Variants in SAMHD1 observed in about 807,000 individuals in gnomAD.
The protein encoded by SAMHD1 is SAM and HD domain containing deoxynucleoside triphosphate triphosphohydrolase 1.
In SAMHD1, 54 loss-of-function variants were observed where a neutral mutation model predicts 79.6. The ratio of observed to expected loss-of-function variants is 0.68; its 90% CI spans 0.55 to 0.85. SAMHD1 has a LOEUF of 0.85. Among genes scored for constraint, SAMHD1 ranks in the 40% least tolerant of loss-of-function variants. The pLI is 0.00. For synonymous variants in SAMHD1, 260 were observed against 264.1 expected (o/e 0.98, Z 0.15); for missense variants, 663 against 782.7 (o/e 0.85, Z 1.82).
chr20:36,921,117 G>A (rs945589554), intron 6 of SAMHD1, among the ~76,000 whole-genome samples: 4 of 151,856 alleles, frequency 2.6e-5, no homozygotes, highest in Admixed American at 6.6e-5. Context: ...CAAATTGGCC[G>A]GGCACAGTAG....
intron 11 of SAMHD1, among the ~76,000 whole-genome samples, chr20:36,907,349 C>T (rs1442481246): frequency 9.2e-5 from 14 of 151,870 alleles, no homozygotes; most frequent in Non-Finnish European, 2.9e-5. Flanking sequence ...CATCCTCGAC[C>T]TCCTGGACTC....
intron 15 of SAMHD1, 54 bp downstream of exon 15, chr20:36,897,768 T>C: frequency 6.2e-7 from 1 of 1,610,854 alleles, no homozygotes; most frequent in African/African-American, 1.3e-5. Flanking sequence ...TTACTTTTGG[T>C]TTTTACTTAA....
chr20:36,945,951 A>G (rs899978416), intron 2 of SAMHD1, among the ~76,000 whole-genome samples: 1 of 151,848 alleles, frequency 6.6e-6, no homozygotes, highest in African/African-American at 2.4e-5. Flanking sequence ...AAATAGGAAT[A>G]AACAGTAATA....
intron 9 of SAMHD1, 116 bp from the exon 10 acceptor site, chr20:36,912,668 C>T (rs1279961394): frequency 1.9e-5 from 14 of 725,908 alleles, no homozygotes; most frequent in Admixed American, 4.1e-5. Flanking sequence ...GGCTATGCAC[C>T]GGGGCTTCTT....
At chr20:36,925,427 G>GT (rs962971946) in intron 6 of SAMHD1, among the ~76,000 whole-genome samples, 11 of 152,186 alleles carry the variant, frequency 7.2e-5, no homozygotes, top group African/African-American at 2.4e-4. Flanking sequence ...CGGTTTTATG[G>GT]TTTTTTGCCT....
chr20:36,951,328 G>A, intron 1 of SAMHD1, 108 bp downstream of exon 1: 1 of 1,512,672 alleles, frequency 6.6e-7, no homozygotes, highest in Middle Eastern at 2.2e-4. Context: ...TCCCGCCGCA[G>A]GGCTCGCTCC....
chr20:36,927,278 C>G (rs184929310), intron 5 of SAMHD1, 26 bp from the exon 6 acceptor site: 2 of 1,467,098 alleles, frequency 1.4e-6, no homozygotes, highest in East Asian at 2.3e-5. Flanking sequence ...AGCCTTAGAA[C>G]AAGAAAAACA....
At chr20:36,900,578 G>GC (rs1555831743) in intron 13 of SAMHD1, among the ~76,000 whole-genome samples, 30 of 140,084 alleles carry the variant, frequency 2.1e-4, no homozygotes, top group Non-Finnish European at 2.3e-4. Flanking sequence ...TAGTTTTTTT[G>GC]TTTTTTTTTG....
At position 36,951,506 on chromosome 20, in the gene SAMHD1, AC is replaced by A; in HGVS notation, c.137del (p.Gly46ValfsTer20). 1 of 1,614,062 alleles carries A rather than the reference AC, an allele frequency of 6.2e-7. No individual in the cohort carries two copies. Among genetic ancestry groups the A allele is most frequent in the Non-Finnish European group, 8.5e-7 (1 of 1,179,972 alleles). Reference protein sequence around the residue: ...LELHPDYKTWGPEQVCSFLRR... With the variant: ...LELHPDYKTWXPEQVCSFLRR... ...TGAGGAAGGAGCACACCTGCTCCGG[AC>A]CCCATGTCTTGTAGTCGGGATGGAG... is the stretch of plus-strand genomic sequence containing the variant. On this transcript the variant is annotated frameshift_variant, in exon 1 of 16. Transcript: ENST00000646673. LOFTEE classifies it high-confidence loss of function.
intron 6 of SAMHD1, among the ~76,000 whole-genome samples, chr20:36,920,326 G>A (rs568367075): frequency 3.7e-4 from 56 of 152,046 alleles, no homozygotes; most frequent in African/African-American, 1.3e-3. Context: ...TTGTTGACCA[G>A]GTTGGTCTTG....
intron 6 of SAMHD1, among the ~76,000 whole-genome samples, chr20:36,920,779 A>C (rs945617326): frequency 2.1e-4 from 32 of 151,684 alleles, no homozygotes; most frequent in Non-Finnish European, 3.8e-4. Context: ...AAAAAAAAAA[A>C]AACCCACAAA....
chr20:36,901,800 C>A (rs1368169781), intron 13 of SAMHD1, among the ~76,000 whole-genome samples: 1 of 152,122 alleles, frequency 6.6e-6, no homozygotes, highest in African/African-American at 2.4e-5. Flanking sequence ...TTACAGCAAC[C>A]ACATGTTAAG....
intron 11 of SAMHD1, among the ~76,000 whole-genome samples, chr20:36,906,797 T>A (rs1481095889): frequency 2.0e-5 from 2 of 100,180 alleles, no homozygotes; most frequent in Admixed American, 9.5e-5. Context: ...ATCTGTGCAA[T>A]TTTTTTTTTT....
chr20:36,949,143 A>G (rs2146156642), intron 1 of SAMHD1, among the ~76,000 whole-genome samples: 1 of 151,424 alleles, frequency 6.6e-6, no homozygotes, highest in Admixed American at 6.6e-5. Context: ...GTGCACCTGT[A>G]ATCCCAGCAA....
At chr20:36,897,171 G>A (rs966482426) in intron 15 of SAMHD1, among the ~76,000 whole-genome samples, 1 of 152,172 alleles carries the variant, frequency 6.6e-6, no homozygotes, top group Admixed American at 6.5e-5. Context: ...GTTCCCTTTA[G>A]CACCTGACAC....
intron 9 of SAMHD1, among the ~76,000 whole-genome samples, chr20:36,914,443 C>T (rs1049949867): frequency 1.3e-5 from 2 of 151,954 alleles, no homozygotes; most frequent in Admixed American, 6.6e-5. Context: ...CTCCGCCTCC[C>T]GGGTTCAAGT....
chr20:36,951,687 C>T lies in SAMHD1; in HGVS notation c.-44G>A. 1.2e-6 allele frequency: 2 copies of T among 1,609,614 alleles called. No homozygotes were observed. Among genetic ancestry groups the T allele is most frequent in the Non-Finnish European group, 1.7e-6 (2 of 1,179,820 alleles). ...GCACAGCAGTCAAGAACCTCGGCGC[C>T]GGACCCGCGCGCAGGCGCACTGACA... On this transcript the variant is annotated 5_prime_UTR_variant, in exon 1 of 16. Transcript: ENST00000646673.
At chr20:36,905,960 CGA>C (rs1225014578) in intron 11 of SAMHD1, among the ~76,000 whole-genome samples, 4 of 149,224 alleles carry the variant, frequency 2.7e-5, no homozygotes, top group Non-Finnish European at 5.9e-5. Flanking sequence ...GCAACAAGAG[CGA>C]GAGACTGTCT....
intron 9 of SAMHD1, among the ~76,000 whole-genome samples, chr20:36,916,357 C>A (rs929255357): frequency 7.3e-5 from 11 of 151,580 alleles, no homozygotes; most frequent in African/African-American, 2.4e-4. Flanking sequence ...ACAAGCCAGG[C>A]ATGATAGTGT....
Sources: allele counts gnomAD v4.1 joint callset (sites outside exome capture counted in the v4.1 genomes callset), GRCh38; gene constraint gnomAD v4.1.1; transcripts MANE v1.5; gene names NCBI Gene and HGNC (gene_info 2026-07-23, HGNC 2026-07-21).